CSMD1: variants seen among roughly 807,000 people sequenced by gnomAD.
The protein encoded by CSMD1 is CUB and Sushi multiple domains 1, also known as CUB and sushi domain-containing protein 1.
A neutral mutation model predicts 417.5 loss-of-function variants in CSMD1; 213 were observed. The ratio of observed to expected loss-of-function variants is 0.51; its 90% CI spans 0.46 to 0.57. The LOEUF (loss-of-function observed/expected upper bound fraction) is 0.57, where lower values mean the gene tolerates loss of function less well. Ranked by LOEUF, CSMD1 falls within the 20% of genes least tolerant of loss-of-function variation. The pLI is 0.00. For synonymous variants in CSMD1, 2,862 were observed against 1,736.8 expected (o/e 1.65, Z -16.11); for missense variants, 6,923 against 4,529.7 (o/e 1.53, Z -15.17).
chr8:4,204,209 G>T (rs1176302294), intron 3 of CSMD1, among the ~76,000 whole-genome samples: 1 of 151,830 alleles, frequency 6.6e-6, no homozygotes, highest in Non-Finnish European at 1.5e-5. Context: ...ATTTCAAAGT[G>T]GTTTTTCACA....
At chr8:4,863,519 A>C (rs1422338210) in intron 1 of CSMD1, among the ~76,000 whole-genome samples, 1 of 152,084 alleles carries the variant, frequency 6.6e-6, no homozygotes, top group East Asian at 1.9e-4. Flanking sequence ...TTTAATGAAA[A>C]GGGTAACTCA....
At chr8:4,483,909 G>T (rs1478979104) in intron 2 of CSMD1, among the ~76,000 whole-genome samples, 1 of 152,154 alleles carries the variant, frequency 6.6e-6, no homozygotes, top group East Asian at 1.9e-4. Context: ...GCTTATTCAG[G>T]CCAAGCATCA....
At chr8:3,624,650 T>C (rs942027824) in intron 7 of CSMD1, among the ~76,000 whole-genome samples, 3 of 152,176 alleles carry the variant, frequency 2.0e-5, no homozygotes, top group Non-Finnish European at 1.5e-5. Flanking sequence ...CATGTTCTCA[T>C]TGAAATTTTT....
chr8:4,488,317 T>C (rs898352173), intron 2 of CSMD1, among the ~76,000 whole-genome samples: 7 of 152,106 alleles, frequency 4.6e-5, no homozygotes, highest in African/African-American at 1.4e-4. Context: ...GTAGTTAACA[T>C]GTGTAAAGTG....
intron 5 of CSMD1, among the ~76,000 whole-genome samples, chr8:3,818,394 C>A (rs1050376933): frequency 1.3e-5 from 2 of 152,156 alleles, no homozygotes; most frequent in Admixed American, 6.5e-5. Context: ...GGAGGGAAAT[C>A]TGAGTTTCAG....
chr8:3,459,479 TG>T (rs1250260571), intron 12 of CSMD1, among the ~76,000 whole-genome samples: 1 of 152,122 alleles, frequency 6.6e-6, no homozygotes, highest in African/African-American at 2.4e-5. Context: ...TGAAGACCCC[TG>T]GGTGATCTCC....
chr8:4,085,105 A>G (rs921461170), intron 3 of CSMD1, among the ~76,000 whole-genome samples: 4 of 152,194 alleles, frequency 2.6e-5, no homozygotes, highest in African/African-American at 7.2e-5. Context: ...ATATTGGTCC[A>G]ACCAGTTGGA....
chr8:3,866,230 C>T (rs533459468), intron 5 of CSMD1, among the ~76,000 whole-genome samples: 1 of 152,178 alleles, frequency 6.6e-6, no homozygotes, highest in Admixed American at 6.5e-5. Flanking sequence ...AGTTTTGTTG[C>T]CACAGATTTT....
intron 2 of CSMD1, among the ~76,000 whole-genome samples, chr8:4,592,369 C>T (rs75414958): frequency 0.099 from 15,063 of 151,636 alleles, 1,791 homozygotes; most frequent in African/African-American, 0.29. Context: ...TATACTCTTC[C>T]GTATTCATTT....
At chr8:4,881,346 G>A (rs777799221) in intron 1 of CSMD1, among the ~76,000 whole-genome samples, 13 of 151,712 alleles carry the variant, frequency 8.6e-5, no homozygotes, top group Non-Finnish European at 1.6e-4. Context: ...AATATACTAT[G>A]GTTACACAGT....
At chr8:4,093,761 G>C (rs966507007) in intron 3 of CSMD1, among the ~76,000 whole-genome samples, 3 of 152,124 alleles carry the variant, frequency 2.0e-5, no homozygotes, top group African/African-American at 7.2e-5. Flanking sequence ...AGGAGTTCAA[G>C]ACCAGCTTGG....
At position 4,301,154 on chromosome 8, in the gene CSMD1, G is replaced by A. The variant is rs554159709; in HGVS notation, c.415+118799C>T. Among the ~76,000 whole-genome samples the A allele has an allele frequency of 1.1e-4, 17 of 152,276 alleles. No homozygotes were observed. In the East Asian group the frequency reaches 3.3e-3, roughly 29 times the overall value. On this transcript the variant is annotated intron_variant, in intron 3 of 69. Transcript: ENST00000635120. ...GAGAGGAATGAGCAGGAGCATTGTT[G>A]TGATGGAAAAGAACGCTCTGGGGCA...
intron 3 of CSMD1, among the ~76,000 whole-genome samples, chr8:4,076,925 A>G (rs1799851013): frequency 6.6e-6 from 1 of 152,336 alleles, no homozygotes; most frequent in South Asian, 2.1e-4. Context: ...TAACATGGAT[A>G]TCAGTAAAAA....
At chr8:3,199,172 G>T (rs1443846822) in intron 33 of CSMD1, among the ~76,000 whole-genome samples, 1 of 152,100 alleles carries the variant, frequency 6.6e-6, no homozygotes, top group Non-Finnish European at 1.5e-5. Context: ...TAAAAGATAA[G>T]TATAAAGGTG....
At chr8:4,557,998 C>T (rs892132488) in intron 2 of CSMD1, among the ~76,000 whole-genome samples, 1 of 152,148 alleles carries the variant, frequency 6.6e-6, no homozygotes. Flanking sequence ...GACCAGCTGC[C>T]TTTGACTGAC....
chr8:3,143,234 G>A (rs1818613125), intron 40 of CSMD1, among the ~76,000 whole-genome samples: 1 of 152,112 alleles, frequency 6.6e-6, no homozygotes, highest in African/African-American at 2.4e-5. Context: ...TTTAAAGGTG[G>A]CTTTTACTAA....
chr8:3,469,449 G>C (rs1816962381), intron 11 of CSMD1, among the ~76,000 whole-genome samples: 4 of 152,110 alleles, frequency 2.6e-5, no homozygotes, highest in Non-Finnish European at 4.4e-5. Context: ...ATTAATGTCT[G>C]GGTCACACCA....
At chr8:4,047,550 ATATT>A (rs1378740724) in intron 3 of CSMD1, among the ~76,000 whole-genome samples, 3 of 148,264 alleles carry the variant, frequency 2.0e-5, no homozygotes, top group African/African-American at 4.9e-5. Context: ...CATTCCACAA[ATATT>A]TATAGAATGC....
At chr8:4,309,828 A>C (rs909560588) in intron 3 of CSMD1, among the ~76,000 whole-genome samples, 4 of 152,266 alleles carry the variant, frequency 2.6e-5, no homozygotes, top group African/African-American at 9.6e-5. Flanking sequence ...ACTTCATTTT[A>C]AATATAGCTG....
Sources: allele counts gnomAD v4.1 joint callset (sites outside exome capture counted in the v4.1 genomes callset), GRCh38; gene constraint gnomAD v4.1.1; transcripts MANE v1.5; gene names NCBI Gene and HGNC (gene_info 2026-07-23, HGNC 2026-07-21).